Variants in CASQ2 observed in about 807,000 individuals in gnomAD.
CASQ2 encodes calsequestrin 2.
Under a neutral mutation model 46.5 loss-of-function variants are expected in CASQ2, and 49 were observed. That is an observed-to-expected ratio of 1.05 (90% CI 0.84 to 1.34). The LOEUF is 1.34. CASQ2 is among the 40% of genes most tolerant of loss of function. The probability of loss-of-function intolerance (pLI) is 0.00; values close to 1 mark genes in which losing one functional copy is unlikely to be tolerated. For synonymous variants in CASQ2, 174 were observed against 168.5 expected (o/e 1.03, Z -0.25); for missense variants, 486 against 481.3 (o/e 1.01, Z -0.09).
At chr1:115,761,784 C>T (rs993452373) in intron 1 of CASQ2, among the ~76,000 whole-genome samples, 3 of 152,048 alleles carry the variant, frequency 2.0e-5, no homozygotes, top group African/African-American at 4.8e-5. Flanking sequence ...ATTCTTGATC[C>T]TGTCATAGAT....
At chr1:115,728,489 G>A (rs1262194676) in intron 5 of CASQ2, among the ~76,000 whole-genome samples, 3 of 152,114 alleles carry the variant, frequency 2.0e-5, no homozygotes, top group African/African-American at 4.8e-5. Context: ...TAGATGATGA[G>A]GTGATGAGGC....
At chr1:115,761,292 G>A (rs1392846473) in intron 1 of CASQ2, among the ~76,000 whole-genome samples, 2 of 143,188 alleles carry the variant, frequency 1.4e-5, no homozygotes, top group African/African-American at 5.5e-5. Context: ...AACAACTCAG[G>A]AGGCTGAGGC....
chr1:115,716,545 ACACACACACAAG>A (rs1168957146), intron 8 of CASQ2, among the ~76,000 whole-genome samples: 2 of 152,170 alleles, frequency 1.3e-5, no homozygotes, highest in African/African-American at 4.8e-5. Context: ...TCACACGTGC[ACACACACACAAG>A]CACACACACA....
intron 1 of CASQ2, among the ~76,000 whole-genome samples, chr1:115,764,376 T>A (rs144043547): frequency 6.6e-6 from 1 of 152,180 alleles, no homozygotes. Context: ...TAATTCCCAA[T>A]TGAAAAATGT....
intron 1 of CASQ2, among the ~76,000 whole-genome samples, chr1:115,755,992 TG>T (rs1194475304): frequency 6.6e-6 from 1 of 152,078 alleles, no homozygotes; most frequent in Admixed American, 6.5e-5. Flanking sequence ...CTTCTGTGTC[TG>T]GAGGATGCTT....
chr1:115,749,894 A>G (rs889480387), intron 1 of CASQ2, among the ~76,000 whole-genome samples: 5 of 152,210 alleles, frequency 3.3e-5, no homozygotes, highest in African/African-American at 1.2e-4. Context: ...GCGCAGCTCC[A>G]TGTTCATCTT....
At position 115,761,470 on chromosome 1, in the gene CASQ2, AAGAAGAAGAAGAAGAAGGAGAAGAAGG is replaced by A. The variant is rs1557806765; in HGVS notation, c.234+6811_234+6837del. Among the ~76,000 whole-genome samples, 57 of 6,298 alleles carry A rather than the reference AAGAAGAAGAAGAAGAAGGAGAAGAAGG, an allele frequency of 9.1e-3. 6 individuals carry two copies. The highest frequency in any genetic ancestry group is 0.071 in the Middle Eastern group (1 of 14). The allele number at this position is 6,298 out of a possible 152,430, so 4.1% of individuals were successfully genotyped here. A position where few individuals can be genotyped will look rare whatever the true frequency, so the allele number is the denominator to read the frequency against. ...GAAGAAGAAGAAGAAGAAGGAGAAG[AAGAAGAAGAAGAAGAAGGAGAAGAAGG>A]AGAAGAAGAAGAAGAAGAAGAAGAA... On this transcript the variant is annotated intron_variant, in intron 1 of 10. Coordinates refer to ENST00000261448, the MANE Select transcript of CASQ2 (RefSeq NM_001232.4).
chr1:115,718,627 G>C (rs1206686903), intron 7 of CASQ2, among the ~76,000 whole-genome samples: 1 of 152,178 alleles, frequency 6.6e-6, no homozygotes, highest in Non-Finnish European at 1.5e-5. Context: ...GAGGCTGCAG[G>C]AATTGTCTGG....
At chr1:115,722,112 G>A (rs959191863) in intron 7 of CASQ2, among the ~76,000 whole-genome samples, 1 of 152,178 alleles carries the variant, frequency 6.6e-6, no homozygotes, top group Admixed American at 6.5e-5. Context: ...CTTCCCCCTA[G>A]TTGGAGACTT....
chr1:115,751,365 T>A (rs1026151400), intron 1 of CASQ2, among the ~76,000 whole-genome samples: 2 of 151,940 alleles, frequency 1.3e-5, no homozygotes, highest in African/African-American at 4.8e-5. Flanking sequence ...GGTAGGAAAT[T>A]CATTAAAAAA....
chr1:115,763,990 A>G (rs935770281), intron 1 of CASQ2, among the ~76,000 whole-genome samples: 3 of 152,158 alleles, frequency 2.0e-5, no homozygotes, highest in East Asian at 1.9e-4. Flanking sequence ...GACTAAATTT[A>G]CTATCTTGGT....
At chr1:115,749,528 C>A (rs916008081) in intron 1 of CASQ2, among the ~76,000 whole-genome samples, 1 of 152,188 alleles carries the variant, frequency 6.6e-6, no homozygotes, top group Non-Finnish European at 1.5e-5. Context: ...ACTTTCCCAC[C>A]TCCTCTTTGG....
intron 8 of CASQ2, among the ~76,000 whole-genome samples, chr1:115,712,156 G>A (rs1438531543): frequency 6.6e-6 from 1 of 152,120 alleles, no homozygotes; most frequent in African/African-American, 2.4e-5. Flanking sequence ...AACCTCAGAG[G>A]GACAGACAAG....
chr1:115,700,747 A>T lies in CASQ2; in HGVS notation c.*494T>A, dbSNP rs887371827. 2.0e-5 allele frequency: 8 copies of T among 408,658 alleles called. No homozygotes were observed. The highest frequency in any genetic ancestry group is 4.0e-5 in the Admixed American group (1 of 25,190). 25.3% of individuals were successfully genotyped at this position (408,658 alleles called of 1,614,324 possible). On this transcript the variant is annotated 3_prime_UTR_variant, in exon 11 of 11. Transcript: ENST00000261448. Reference sequence around the variant, plus strand: ...CAAGGCTGAGCCTTCTCTAAGAAGGATCATCTTGGCTGGAGGAGGGATCCC... The same window carrying T: ...CAAGGCTGAGCCTTCTCTAAGAAGGTTCATCTTGGCTGGAGGAGGGATCCC...
At chr1:115,758,626 C>CCACT (rs1233800020) in intron 1 of CASQ2, among the ~76,000 whole-genome samples, 17 of 152,144 alleles carry the variant, frequency 1.1e-4, no homozygotes, top group African/African-American at 4.1e-4. Context: ...TAATGTCCTC[C>CCACT]GTGGGTGGGG....
Position 115,701,436 on chromosome 1 carries a change from G to A in CASQ2, c.1015-10C>T, listed in dbSNP as rs760797081. On this transcript the variant is annotated splice_polypyrimidine_tract_variant and intron_variant, in intron 10 of 10. Coordinates refer to ENST00000261448, the MANE Select transcript of CASQ2 (RefSeq NM_001232.4). ...TCCAGACACTGTCAGCCTGCAGTGA[G>A]GGACAAAATGAATGAGTGGGTAAAT... is the stretch of plus-strand genomic sequence containing the variant. 1 of 1,574,898 alleles carries A rather than the reference G, an allele frequency of 6.3e-7. No homozygotes were observed. Among genetic ancestry groups the A allele is most frequent in the East Asian group, 2.2e-5 (1 of 44,708 alleles).
At chr1:115,731,775 GA>G (rs1647792184) in intron 5 of CASQ2, among the ~76,000 whole-genome samples, 1 of 152,136 alleles carries the variant, frequency 6.6e-6, no homozygotes, top group African/African-American at 2.4e-5. Flanking sequence ...GTAGAATGAG[GA>G]TACTAATTCC....
intron 8 of CASQ2, among the ~76,000 whole-genome samples, chr1:115,709,468 T>C (rs1654473539): frequency 1.3e-5 from 2 of 152,200 alleles, no homozygotes; most frequent in South Asian, 2.1e-4. Flanking sequence ...AGAAGTAATA[T>C]AGCCTATACT....
At chr1:115,733,709 T>C (rs2101087034) in intron 4 of CASQ2, among the ~76,000 whole-genome samples, 1 of 152,144 alleles carries the variant, frequency 6.6e-6, no homozygotes, top group African/African-American at 2.4e-5. Context: ...AGGGTGATGG[T>C]AATTGTGGTG....
Sources: allele counts gnomAD v4.1 joint callset (sites outside exome capture counted in the v4.1 genomes callset), GRCh38; gene constraint gnomAD v4.1.1; transcripts MANE v1.5; gene names NCBI Gene and HGNC (gene_info 2026-07-23, HGNC 2026-07-21).